Variants in MGAT4C observed in about 807,000 individuals in gnomAD.
The protein encoded by MGAT4C is MGAT4 family member C.
A neutral mutation model predicts 40.1 loss-of-function variants in MGAT4C; 19 were observed. That is an observed-to-expected ratio of 0.47 (90% CI 0.33 to 0.70). MGAT4C has a LOEUF of 0.70. Among genes scored for constraint, MGAT4C ranks in the 30% least tolerant of loss-of-function variants. The pLI is 0.02. For missense variants in MGAT4C, 491 were observed against 563.2 expected, an observed-to-expected ratio of 0.87 and a Z score of 1.30; for synonymous variants, 181 against 187.1, an observed-to-expected ratio of 0.97 and a Z score of 0.27.
At chr12:86,385,874 C>A (rs1376356974) in intron 3 of MGAT4C, among the ~76,000 whole-genome samples, 1 of 152,178 alleles carries the variant, frequency 6.6e-6, no homozygotes, top group African/African-American at 2.4e-5. Flanking sequence ...TGCTCCCTCT[C>A]AATCTTATAC....
intron 1 of MGAT4C, among the ~76,000 whole-genome samples, chr12:86,735,453 G>T (rs2136124315): frequency 1.3e-5 from 2 of 151,958 alleles, no homozygotes; most frequent in South Asian, 4.2e-4. Flanking sequence ...GTTCAAATCT[G>T]ATGGTTAAAG....
At chr12:86,141,985 G>C (rs1281553813) in intron 1 of MGAT4C, among the ~76,000 whole-genome samples, 1 of 151,990 alleles carries the variant, frequency 6.6e-6, no homozygotes, top group Admixed American at 6.6e-5. Flanking sequence ...TTTCTTACAG[G>C]GGAGTGGTCT....
chr12:86,314,435 G>T (rs750249260), intron 4 of MGAT4C, among the ~76,000 whole-genome samples: 5 of 152,192 alleles, frequency 3.3e-5, no homozygotes, highest in Non-Finnish European at 5.9e-5. Flanking sequence ...ACCACTGGAA[G>T]TCCTAGCCCA....
At chr12:86,296,241 G>GT (rs1953671026) in intron 4 of MGAT4C, among the ~76,000 whole-genome samples, 7 of 152,108 alleles carry the variant, frequency 4.6e-5, no homozygotes, top group Non-Finnish European at 8.8e-5. Flanking sequence ...CACAAACCTT[G>GT]AGCTAAACAC....
At chr12:86,036,206 C>T (rs1204767399) in intron 2 of MGAT4C, among the ~76,000 whole-genome samples, 1 of 148,292 alleles carries the variant, frequency 6.7e-6, no homozygotes, top group Non-Finnish European at 1.5e-5. Context: ...TCCTCTCCAG[C>T]CCCATGGGCT....
At chr12:86,327,504 G>GCTT (rs765396520) in intron 4 of MGAT4C, among the ~76,000 whole-genome samples, 7 of 151,606 alleles carry the variant, frequency 4.6e-5, no homozygotes, top group African/African-American at 7.3e-5. Flanking sequence ...GAAAACTTGT[G>GCTT]GTTCATGAGT....
chr12:86,758,886 T>C (rs907287644), intron 1 of MGAT4C, among the ~76,000 whole-genome samples: 3 of 152,092 alleles, frequency 2.0e-5, no homozygotes, highest in South Asian at 4.1e-4. Context: ...CATTTATTTA[T>C]ATGAGAATAT....
At chr12:86,723,015 T>C (rs1565948509) in intron 2 of MGAT4C, among the ~76,000 whole-genome samples, 1 of 152,204 alleles carries the variant, frequency 6.6e-6, no homozygotes, top group Non-Finnish European at 1.5e-5. Context: ...CAGAGACATA[T>C]GTGCAATACT....
At chr12:86,442,767 G>C (rs1235598047) in intron 2 of MGAT4C, among the ~76,000 whole-genome samples, 1 of 79,538 alleles carries the variant, frequency 1.3e-5, no homozygotes, top group Non-Finnish European at 3.0e-5. Context: ...GCAAAACTCT[G>C]TCTCAAAAAA....
chr12:86,268,607 T>A (rs1188934417), intron 4 of MGAT4C, among the ~76,000 whole-genome samples: 1 of 144,542 alleles, frequency 6.9e-6, no homozygotes, highest in Non-Finnish European at 1.6e-5. Flanking sequence ...TAATAAAATA[T>A]TTTGTTGTAG....
chr12:86,616,945 A>AC, intron 2 of MGAT4C, among the ~76,000 whole-genome samples: 1 of 152,262 alleles, frequency 6.6e-6, no homozygotes, highest in Non-Finnish European at 1.5e-5. Context: ...AAAACCTGTT[A>AC]TTTGTTGTGT....
chr12:86,706,583 T>G (rs1489909996), intron 2 of MGAT4C, among the ~76,000 whole-genome samples: 2 of 152,068 alleles, frequency 1.3e-5, no homozygotes, highest in Non-Finnish European at 2.9e-5. Flanking sequence ...TAATAAAATA[T>G]TAATTTCCCA....
intron 1 of MGAT4C, among the ~76,000 whole-genome samples, chr12:86,243,689 C>T (rs567037511): frequency 6.6e-6 from 1 of 152,210 alleles, no homozygotes; most frequent in African/African-American, 2.4e-5. Context: ...TTCCATCCTA[C>T]AGCTGCAAGA....
intron 1 of MGAT4C, among the ~76,000 whole-genome samples, chr12:86,206,684 G>A (rs988891303): frequency 2.0e-5 from 3 of 151,218 alleles, no homozygotes; most frequent in East Asian, 1.9e-4. Context: ...CAATTCCTTC[G>A]TCCCTCTTTC....
chr12:86,822,604 G>T (rs1952724998), intron 1 of MGAT4C, among the ~76,000 whole-genome samples: 1 of 151,050 alleles, frequency 6.6e-6, no homozygotes, highest in Admixed American at 6.6e-5. Flanking sequence ...AAAAAGGACA[G>T]TGTATAACGA....
At chr12:86,010,132 A>G (rs941944763) in intron 2 of MGAT4C, among the ~76,000 whole-genome samples, 1 of 152,226 alleles carries the variant, frequency 6.6e-6, no homozygotes, top group Non-Finnish European at 1.5e-5. Context: ...TTAAAAATAC[A>G]AGAAGATAGA....
Position 86,732,340 on chromosome 12 carries a change from G to A in MGAT4C, c.-261-5099C>T, listed in dbSNP as rs1004250845. On this transcript the variant is annotated intron_variant, in intron 1 of 7. Coordinates refer to the MGAT4C transcript ENST00000548651. The stretch of plus-strand genomic sequence containing the variant: ...TTCACAGACCGGGGTGGGGGCATAC[G>A]GTTTCAGGATGTTTCAAGTGCATTA... 3.3e-5 allele frequency among the ~76,000 whole-genome samples: 5 copies of A among 152,130 alleles called. No homozygotes were observed. In the South Asian group the frequency reaches 6.2e-4, roughly 19 times the overall value.
intron 1 of MGAT4C, among the ~76,000 whole-genome samples, chr12:86,793,643 C>A (rs1952064338): frequency 6.6e-6 from 1 of 151,862 alleles, no homozygotes; most frequent in Non-Finnish European, 1.5e-5. Flanking sequence ...CATATATGTA[C>A]CTGGCAATGT....
At chr12:86,370,980 T>G (rs1158775752) in intron 3 of MGAT4C, among the ~76,000 whole-genome samples, 1 of 152,052 alleles carries the variant, frequency 6.6e-6, no homozygotes, top group East Asian at 1.9e-4. Flanking sequence ...GGTTGCTATA[T>G]GTATAGGAGC....
Sources: gnomAD v4.1 joint callset for allele counts (sites outside exome capture counted in the v4.1 genomes callset) on GRCh38, gnomAD v4.1.1 for gene constraint, MANE v1.5 for transcripts, NCBI Gene and HGNC (gene_info 2026-07-23, HGNC 2026-07-21) for gene names.